Variants in RGS22 observed in about 807,000 individuals in gnomAD.
The protein encoded by RGS22 is regulator of G protein signaling 22.
In RGS22, 148 loss-of-function variants were observed where a neutral mutation model predicts 172.9. The observed-to-expected ratio is 0.86, with a 90% CI of 0.75 to 0.98. The LOEUF is 0.98. Among genes scored for constraint, RGS22 ranks in the 50% least tolerant of loss-of-function variants. The probability of loss-of-function intolerance (pLI) is 0.00; values close to 1 mark genes in which losing one functional copy is unlikely to be tolerated. For missense variants in RGS22, 1,347 were observed against 1,440.8 expected, an observed-to-expected ratio of 0.93 and a Z score of 1.05; for synonymous variants, 458 against 480.2, an observed-to-expected ratio of 0.95 and a Z score of 0.60.
intron 11 of RGS22, 42 bp from the exon 12 acceptor site, chr8:100,041,958 C>G: frequency 2.3e-6 from 3 of 1,303,944 alleles, no homozygotes; most frequent in Non-Finnish European, 3.3e-6. Flanking sequence ...AGAATGAGAA[C>G]TAACTGATCA....
At chr8:100,086,363 A>G (rs930229873) in intron 3 of RGS22, among the ~76,000 whole-genome samples, 1 of 152,146 alleles carries the variant, frequency 6.6e-6, no homozygotes, top group Non-Finnish European at 1.5e-5. Flanking sequence ...TGTTGAACCA[A>G]TGATTCTCAT....
Position 100,066,264 on chromosome 8 carries a change from T to C in RGS22, c.627A>G (p.Ala209=). The part of the protein sequence containing the change: ...ASYTQTKDWF[A]LAKQSQQTVS... ...CTGTTTGCTGACTTTGTTTTGCTAA[T>C]GCAAACCAATCTTTTGTTTGAGTAT... is the stretch of plus-strand genomic sequence containing the variant. Residue 209 remains alanine, a synonymous_variant, in exon 7 of 28, where the codon GCA becomes GCG. Coordinates refer to ENST00000360863, the MANE Select transcript of RGS22 (RefSeq NM_015668.5). 5.6e-6 allele frequency: 9 copies of C among 1,613,302 alleles called. No individual in the cohort carries two copies. Among genetic ancestry groups the C allele is most frequent in the Non-Finnish European group, 7.6e-6 (9 of 1,179,358 alleles).
intron 9 of RGS22, among the ~76,000 whole-genome samples, chr8:100,056,110 C>T (rs552097781): frequency 4.1e-4 from 63 of 152,130 alleles, no homozygotes; most frequent in African/African-American, 1.3e-3. Context: ...TGGTCTCAGA[C>T]GGAGATGAGG....
Position 100,003,995 on chromosome 8 carries a change from A to AACTTTTTTT in RGS22, c.2557_2558insAAAAAAAGT (p.Lys852_Phe853insTer), listed in dbSNP as rs1278479197. 5 of 1,612,208 alleles carry AACTTTTTTT rather than the reference A, an allele frequency of 3.1e-6. No homozygotes were observed. The South Asian group carries it at 5.5e-5, about 18-fold the overall frequency. ...CAGTTTGTTGTTAAGCAGATCACTA[A>AACTTTTTTT]ACTTAAAATGCTTGTATTCTGCAGG... On this transcript the variant is annotated stop_gained, in exon 17 of 28. Transcript: ENST00000360863. LOFTEE classifies it high-confidence loss of function.
intron 19 of RGS22, among the ~76,000 whole-genome samples, chr8:99,998,948 G>A (rs143314176): frequency 1.3e-5 from 2 of 152,120 alleles, no homozygotes; most frequent in Non-Finnish European, 2.9e-5. Context: ...CTTGAGCCTA[G>A]GAGTTTGAGA....
At chr8:99,995,324 C>T (rs866785555) in intron 20 of RGS22, among the ~76,000 whole-genome samples, 17 of 152,252 alleles carry the variant, frequency 1.1e-4, no homozygotes, top group African/African-American at 3.9e-4. Context: ...TCAGAGTGAA[C>T]AGGCAACCTA....
chr8:100,101,835 GA>G (rs901486804), intron 2 of RGS22, among the ~76,000 whole-genome samples: 1 of 141,978 alleles, frequency 7.0e-6, no homozygotes, highest in Non-Finnish European at 1.6e-5. Context: ...AATACAATAT[GA>G]AAAAAAAGCT....
chr8:99,991,828 G>A (rs1813757407), intron 20 of RGS22, among the ~76,000 whole-genome samples: 1 of 152,130 alleles, frequency 6.6e-6, no homozygotes, highest in African/African-American at 2.4e-5. Context: ...ATTCACAAAA[G>A]TTGAAATGAA....
intron 23 of RGS22, among the ~76,000 whole-genome samples, chr8:99,976,216 T>G (rs1414930666): frequency 2.6e-5 from 4 of 151,944 alleles, no homozygotes; most frequent in Non-Finnish European, 5.9e-5. Flanking sequence ...AAAATAAAAA[T>G]AAAAAGAATG....
At chr8:99,973,245 CAA>C in intron 23 of RGS22, among the ~76,000 whole-genome samples, 1 of 152,054 alleles carries the variant, frequency 6.6e-6, no homozygotes, top group Non-Finnish European at 1.5e-5. Flanking sequence ...TTCACAATAG[CAA>C]AGACTTGGAA....
At chr8:100,091,011 ATAAC>A (rs1273662942) in intron 3 of RGS22, among the ~76,000 whole-genome samples, 1 of 152,158 alleles carries the variant, frequency 6.6e-6, no homozygotes, top group Non-Finnish European at 1.5e-5. Flanking sequence ...ATACCAGTCT[ATAAC>A]TATCCAAAAA....
intron 14 of RGS22, among the ~76,000 whole-genome samples, chr8:100,036,167 A>T (rs568397198): frequency 1.4e-4 from 21 of 152,116 alleles, no homozygotes; most frequent in Admixed American, 5.2e-4. Flanking sequence ...TAAAAAAAAA[A>T]AACTGTAGAA....
chr8:100,091,438 T>C (rs879750306), intron 3 of RGS22, among the ~76,000 whole-genome samples: 3 of 152,018 alleles, frequency 2.0e-5, no homozygotes, highest in South Asian at 2.1e-4. Flanking sequence ...CATTACTACA[T>C]AGAATTCAAC....
At chr8:100,097,694 G>A (rs1813086411) in intron 2 of RGS22, among the ~76,000 whole-genome samples, 1 of 152,136 alleles carries the variant, frequency 6.6e-6, no homozygotes, top group South Asian at 2.1e-4. Context: ...CAGCATCGTT[G>A]CCTCTAGAAT....
chr8:99,991,013 G>GCTGAGGAAC (rs1335001718), intron 20 of RGS22, among the ~76,000 whole-genome samples: 1 of 152,184 alleles, frequency 6.6e-6, no homozygotes, highest in African/African-American at 2.4e-5. Flanking sequence ...CAGACCTGCA[G>GCTGAGGAAC]CTGAGGAACC....
chr8:100,052,113 A>T (rs1486546869), intron 10 of RGS22, among the ~76,000 whole-genome samples: 2 of 22,434 alleles, frequency 8.9e-5, no homozygotes, highest in African/African-American at 3.2e-4. Context: ...ATAAATGTTT[A>T]TATATATTTA....
intron 10 of RGS22, among the ~76,000 whole-genome samples, chr8:100,049,215 G>C (rs1821030446): frequency 6.6e-6 from 1 of 152,186 alleles, no homozygotes. Context: ...TCCAGCATGA[G>C]TGTGATGGTG....
At position 99,969,223 on chromosome 8, in the gene RGS22, C is replaced by CA. The variant is rs531100092; in HGVS notation, c.3520-3794dup. Reference sequence around the variant, plus strand: ...TTGTGTCACCACCAGGCTTGCCTTACAAGAGCTCCTGAAGGAAGCACTAAA... The same window carrying CA: ...TTGTGTCACCACCAGGCTTGCCTTACAAAGAGCTCCTGAAGGAAGCACTAAA... On this transcript the variant is annotated intron_variant, in intron 23 of 27. Transcript: ENST00000360863. Among the ~76,000 whole-genome samples, 451 of 152,256 alleles carry CA rather than the reference C, an allele frequency of 3.0e-3. 5 individuals are homozygous for CA. Among genetic ancestry groups the CA allele is most frequent in the African/African-American group, 0.01 (427 of 41,552 alleles).
intron 9 of RGS22, among the ~76,000 whole-genome samples, chr8:100,054,855 G>A (rs1741653365): frequency 6.6e-6 from 1 of 152,138 alleles, no homozygotes; most frequent in Non-Finnish European, 1.5e-5. Context: ...AATCATACAT[G>A]GGATGGCTGG....
Sources: gnomAD v4.1 joint callset for allele counts (sites outside exome capture counted in the v4.1 genomes callset) on GRCh38, gnomAD v4.1.1 for gene constraint, MANE v1.5 for transcripts, NCBI Gene and HGNC (gene_info 2026-07-23, HGNC 2026-07-21) for gene names.